STX12: variants seen among roughly 807,000 people sequenced by gnomAD.
STX12 encodes syntaxin 12.
Under a neutral mutation model 42.2 loss-of-function variants are expected in STX12, and 17 were observed. The observed-to-expected ratio is 0.40, with a 90% CI of 0.28 to 0.60. The LOEUF (loss-of-function observed/expected upper bound fraction) is 0.60. STX12 is among the 20% of genes least tolerant of loss of function. The pLI is 0.39. For synonymous variants in STX12, 108 were observed against 116.7 expected, an observed-to-expected ratio of 0.93 and a Z score of 0.48; for missense variants, 297 against 330.9, an observed-to-expected ratio of 0.90 and a Z score of 0.79.
chr1:27,797,964 AC>A (rs2088798310), intron 3 of STX12, among the ~76,000 whole-genome samples: 1 of 151,730 alleles, frequency 6.6e-6, no homozygotes, highest in Non-Finnish European at 1.5e-5. Context: ...TTTGTCACTT[AC>A]TGTGTGATCC....
chr1:27,798,807 A>G (rs2088806012), intron 3 of STX12, among the ~76,000 whole-genome samples: 2 of 145,752 alleles, frequency 1.4e-5, no homozygotes, highest in East Asian at 2.0e-4. Context: ...AAAAAAAATT[A>G]GCCAGGCATC....
chr1:27,789,507 C>A, intron 1 of STX12, 55 bp from the exon 2 acceptor site: 1 of 1,349,790 alleles, frequency 7.4e-7, no homozygotes, highest in Non-Finnish European at 1.0e-6. Flanking sequence ...AAGTAGGGTA[C>A]TCATGATGAA....
intron 6 of STX12, among the ~76,000 whole-genome samples, chr1:27,816,509 G>T (rs2088942775): frequency 6.7e-6 from 1 of 149,798 alleles, no homozygotes; most frequent in African/African-American, 2.5e-5. Context: ...TAAATAAAAA[G>T]AAAGAAGGGA....
At chr1:27,789,918 A>G (rs1017826652) in intron 2 of STX12, among the ~76,000 whole-genome samples, 1 of 152,188 alleles carries the variant, frequency 6.6e-6, no homozygotes, top group African/African-American at 2.4e-5. Context: ...ATTAAACTAT[A>G]TTCTGCTCAC....
intron 5 of STX12, 73 bp downstream of exon 5, chr1:27,810,362 A>G (rs543446421): frequency 3.8e-5 from 53 of 1,409,044 alleles, no homozygotes; most frequent in Non-Finnish European, 5.0e-5. Context: ...TAATTTTAAA[A>G]ATCAATGAAA....
At chr1:27,815,031 A>G (rs1377347125) in intron 6 of STX12, among the ~76,000 whole-genome samples, 1 of 152,230 alleles carries the variant, frequency 6.6e-6, no homozygotes, top group Non-Finnish European at 1.5e-5. Context: ...GTACATTACT[A>G]ATACAATGTA....
chr1:27,812,413 C>A (rs2088909176), intron 6 of STX12, 145 bp downstream of exon 6: 1 of 652,060 alleles, frequency 1.5e-6, no homozygotes, highest in Non-Finnish European at 2.5e-6. Context: ...TCAGTGTAAT[C>A]ATGGTGGGTT....
At chr1:27,780,357 C>T (rs1349907134) in intron 1 of STX12, among the ~76,000 whole-genome samples, 5 of 151,426 alleles carry the variant, frequency 3.3e-5, no homozygotes, top group Non-Finnish European at 5.9e-5. Flanking sequence ...TACAGGCGTG[C>T]ACCACATGCC....
At position 27,773,340 on chromosome 1, in the gene STX12, C is replaced by G; in HGVS notation, c.33C>G (p.Asn11Lys). 1 of 1,612,184 alleles carries G rather than the reference C, an allele frequency of 6.2e-7. No individual in the cohort carries two copies. The highest frequency in any genetic ancestry group is 1.1e-5 in the South Asian group (1 of 90,926). Residue 11 changes from asparagine to lysine, a missense_variant, in exon 1 of 9, where the codon AAC becomes AAG. Transcript: ENST00000373943. MSYGPLDMYR[N>K]PGPSGPQLRD... ...ACGGTCCCTTAGACATGTACCGGAA[C>G]CCGGGGCCCTCGGGGCCCCAGCTCC...
chr1:27,797,875 AAC>A (rs61106135), intron 3 of STX12, among the ~76,000 whole-genome samples: 505 of 142,396 alleles, frequency 3.5e-3, no homozygotes, highest in Non-Finnish European at 4.6e-3. Context: ...TCTGAAGGTA[AAC>A]ACACACACAC....
intron 1 of STX12, among the ~76,000 whole-genome samples, chr1:27,783,570 G>A (rs2088682069): frequency 6.6e-6 from 1 of 152,092 alleles, no homozygotes; most frequent in Non-Finnish European, 1.5e-5. Flanking sequence ...CCTGACCTCA[G>A]GTGATCCACC....
intron 1 of STX12, among the ~76,000 whole-genome samples, chr1:27,787,670 A>AG (rs1369079888): frequency 6.6e-6 from 1 of 151,810 alleles, no homozygotes; most frequent in African/African-American, 2.4e-5. Flanking sequence ...AAAAAAAAAA[A>AG]GATTTAGGGA....
At chr1:27,798,780 CAAAAAAAA>C (rs61253983) in intron 3 of STX12, among the ~76,000 whole-genome samples, 1 of 54,534 alleles carries the variant, frequency 1.8e-5, no homozygotes, top group African/African-American at 6.3e-5. Context: ...GACTCCGTCT[CAAAAAAAA>C]AAAAAAAAAA....
intron 1 of STX12, among the ~76,000 whole-genome samples, chr1:27,775,675 A>G (rs977765408): frequency 1.3e-5 from 2 of 152,242 alleles, no homozygotes; most frequent in African/African-American, 4.8e-5. Context: ...GTTGAAAGGG[A>G]TTGGTGCTAT....
chr1:27,813,651 AT>A (rs879820261), intron 6 of STX12, among the ~76,000 whole-genome samples: 6 of 151,384 alleles, frequency 4.0e-5, no homozygotes, highest in Admixed American at 2.0e-4. Context: ...CCTGGAGAAG[AT>A]TTTTTTTTAA....
At chr1:27,784,080 T>C (rs1045490429) in intron 1 of STX12, among the ~76,000 whole-genome samples, 1 of 151,932 alleles carries the variant, frequency 6.6e-6, no homozygotes, top group African/African-American at 2.4e-5. Flanking sequence ...CTCGGGAGGC[T>C]GAGGCAGGAG....
At chr1:27,792,425 A>G (rs1252615211) in intron 2 of STX12, among the ~76,000 whole-genome samples, 1 of 150,348 alleles carries the variant, frequency 6.7e-6, no homozygotes, top group East Asian at 1.9e-4. Context: ...GAGAATGACT[A>G]TTATTGTGAG....
chr1:27,814,141 G>A (rs1354183895), intron 6 of STX12, among the ~76,000 whole-genome samples: 1 of 152,108 alleles, frequency 6.6e-6, no homozygotes, highest in African/African-American at 2.4e-5. Context: ...AGATGGGATA[G>A]TTTATCCTTA....
intron 2 of STX12, among the ~76,000 whole-genome samples, chr1:27,792,568 C>A (rs1190283571): frequency 2.0e-5 from 3 of 151,582 alleles, no homozygotes; most frequent in Admixed American, 1.3e-4. Context: ...TACAGAAAAA[C>A]CATTAATAAT....
Sources: allele counts gnomAD v4.1 joint callset (sites outside exome capture counted in the v4.1 genomes callset), GRCh38; gene constraint gnomAD v4.1.1; transcripts MANE v1.5; gene names NCBI Gene and HGNC (gene_info 2026-07-23, HGNC 2026-07-21).